Variants in RAI14 observed in about 807,000 individuals in gnomAD.
RAI14 encodes ankycorbin.
Under a neutral mutation model 115.4 loss-of-function variants are expected in RAI14, and 45 were observed. The observed-to-expected ratio is 0.39, with a 90% confidence interval of 0.31 to 0.50. RAI14 has a LOEUF of 0.50. RAI14 is among the 20% of genes least tolerant of loss of function. The pLI is 0.85. For synonymous variants in RAI14, 371 were observed against 415.4 expected (o/e 0.89, Z 1.30); for missense variants, 939 against 1,131.2 (o/e 0.83, Z 2.44).
intron 2 of RAI14, among the ~76,000 whole-genome samples, chr5:34,753,807 G>A (rs903253572): frequency 2.6e-5 from 4 of 151,952 alleles, no homozygotes; most frequent in South Asian, 2.1e-4. Context: ...CCAGCTACTC[G>A]GGAGGCTGAG....
intron 3 of RAI14, among the ~76,000 whole-genome samples, chr5:34,777,152 T>C (rs934877824): frequency 2.6e-5 from 4 of 151,832 alleles, no homozygotes; most frequent in Non-Finnish European, 5.9e-5. Flanking sequence ...GGCAACAGAA[T>C]GATACACTAT....
chr5:34,675,849 T>G (rs1579876104), intron 1 of RAI14, among the ~76,000 whole-genome samples: 3 of 152,356 alleles, frequency 2.0e-5, no homozygotes, highest in African/African-American at 7.2e-5. Context: ...TCATCCATGC[T>G]TCACCATGGA....
At chr5:34,780,131 C>G (rs1348626041) in intron 3 of RAI14, among the ~76,000 whole-genome samples, 1 of 152,118 alleles carries the variant, frequency 6.6e-6, no homozygotes, top group Non-Finnish European at 1.5e-5. Context: ...GAAAGGATTC[C>G]CTATTTAATA....
At chr5:34,775,818 G>T (rs73078628) in intron 3 of RAI14, among the ~76,000 whole-genome samples, 13,188 of 152,154 alleles carry the variant, frequency 0.087, 980 homozygotes, top group African/African-American at 0.2. Context: ...ACACTGTTGG[G>T]GAGAATGTAA....
intron 2 of RAI14, among the ~76,000 whole-genome samples, chr5:34,689,103 T>C (rs541350034): frequency 1.4e-4 from 21 of 152,242 alleles, no homozygotes; most frequent in African/African-American, 4.3e-4. Context: ...GAAAGTCTAT[T>C]TTAAGAAACT....
rs1400781140 is a variant in RAI14, at chr5:34,665,121, ATATGTATGTG to A, written c.-49+8650_-49+8659del. Among the ~76,000 whole-genome samples, 214 of 79,300 alleles carry A rather than the reference ATATGTATGTG, an allele frequency of 2.7e-3. 63 individuals carry two copies. The highest frequency in any genetic ancestry group is 7.3e-3 in the African/African-American group (169 of 23,094). The allele number at this position is 79,300 out of a possible 152,430, so 52.0% of individuals were successfully genotyped here. ...TATATATGTGTATATATATGTGTAT[ATATGTATGTG>A]TATATATATACACATATATATGTGT... is the stretch of plus-strand genomic sequence containing the variant. On this transcript the variant is annotated intron_variant, in intron 1 of 17. Coordinates refer to ENST00000265109, the MANE Select transcript of RAI14 (RefSeq NM_015577.3).
intron 2 of RAI14, chr5:34,688,315 C>A: frequency 1.4e-6 from 2 of 1,416,226 alleles, no homozygotes; most frequent in Non-Finnish European, 1.9e-6. Context: ...ACCAGGTTAA[C>A]AAATGTCTTT....
chr5:34,736,472 T>A (rs1368662429), intron 2 of RAI14, among the ~76,000 whole-genome samples: 2 of 152,194 alleles, frequency 1.3e-5, no homozygotes, highest in Admixed American at 6.5e-5. Context: ...TTTCCATAGT[T>A]ATGGAAATGC....
At chr5:34,726,371 C>T (rs974759053) in intron 2 of RAI14, among the ~76,000 whole-genome samples, 7 of 152,140 alleles carry the variant, frequency 4.6e-5, no homozygotes, top group African/African-American at 9.7e-5. Context: ...GAAGCAAGCA[C>T]GTCTTCACAT....
intron 3 of RAI14, among the ~76,000 whole-genome samples, chr5:34,787,298 C>T (rs548509360): frequency 2.6e-5 from 4 of 152,332 alleles, no homozygotes; most frequent in Admixed American, 2.0e-4. Context: ...CACAACCACT[C>T]GTACATGAAT....
At chr5:34,785,451 T>C (rs1366811380) in intron 3 of RAI14, among the ~76,000 whole-genome samples, 1 of 152,152 alleles carries the variant, frequency 6.6e-6, no homozygotes, top group Non-Finnish European at 1.5e-5. Context: ...TTCCCATAAA[T>C]TTATAGGTAC....
chr5:34,820,413 C>A (rs1756702496), intron 13 of RAI14, among the ~76,000 whole-genome samples: 1 of 152,100 alleles, frequency 6.6e-6, no homozygotes, highest in South Asian at 2.1e-4. Flanking sequence ...AACCCCGTCT[C>A]TACTAAAAAT....
chr5:34,817,876 C>T (rs113508349), intron 12 of RAI14, among the ~76,000 whole-genome samples: 19,179 of 152,210 alleles, frequency 0.13, 1,687 homozygotes, highest in Non-Finnish European at 0.18. Context: ...TGAACAGATT[C>T]TCTATCTTGA....
chr5:34,690,924 A>C (rs970582164), intron 2 of RAI14, among the ~76,000 whole-genome samples: 1 of 152,220 alleles, frequency 6.6e-6, no homozygotes, highest in Non-Finnish European at 1.5e-5. Flanking sequence ...AGAAAAAAAC[A>C]TATAGGAAAT....
chr5:34,806,446 T>G (rs1470029314), intron 5 of RAI14, among the ~76,000 whole-genome samples: 1 of 152,092 alleles, frequency 6.6e-6, no homozygotes, highest in African/African-American at 2.4e-5. Flanking sequence ...AATGCAGAAC[T>G]GGGGAGACGT....
intron 1 of RAI14, among the ~76,000 whole-genome samples, chr5:34,669,273 T>G (rs1244699540): frequency 1.3e-5 from 2 of 152,228 alleles, no homozygotes; most frequent in Admixed American, 6.5e-5. Context: ...AGGCACACGA[T>G]GCACTGATTT....
At chr5:34,736,646 T>G (rs1358975309) in intron 2 of RAI14, among the ~76,000 whole-genome samples, 3 of 152,132 alleles carry the variant, frequency 2.0e-5, no homozygotes, top group Non-Finnish European at 2.9e-5. Flanking sequence ...CAAGGGATCC[T>G]CCTGCCTTAG....
chr5:34,753,912 C>CAA (rs34458773), intron 2 of RAI14, among the ~76,000 whole-genome samples: 4,255 of 117,170 alleles, frequency 0.036, 233 homozygotes, highest in East Asian at 0.22. Context: ...GACTCTATCT[C>CAA]AAAAAAAAAA....
At chr5:34,799,493 G>GACACACACACACACACAC (rs780186006) in intron 4 of RAI14, among the ~76,000 whole-genome samples, 6 of 124,044 alleles carry the variant, frequency 4.8e-5, no homozygotes, top group Non-Finnish European at 6.9e-5. Flanking sequence ...CACACACACA[G>GACACACACACACACACAC]ACACACACAC....
Sources: gnomAD v4.1 joint callset for allele counts (sites outside exome capture counted in the v4.1 genomes callset) on GRCh38, gnomAD v4.1.1 for gene constraint, MANE v1.5 for transcripts, NCBI Gene and HGNC (gene_info 2026-07-23, HGNC 2026-07-21) for gene names.